Variants in EFL1 observed in about 807,000 individuals in gnomAD.
The protein encoded by EFL1 is elongation factor like GTPase 1.
Under a neutral mutation model 126.7 loss-of-function variants are expected in EFL1, and 76 were observed. The ratio of observed to expected loss-of-function variants is 0.60; its 90% CI spans 0.50 to 0.73. EFL1 has a LOEUF of 0.73. EFL1 is among the 30% of genes least tolerant of loss of function. The pLI, the probability that EFL1 is intolerant of heterozygous loss-of-function variation, is 0.00. For missense variants in EFL1, 1,128 were observed against 1,343.2 expected (o/e 0.84, Z 2.50); for synonymous variants, 410 against 448.4 (o/e 0.91, Z 1.08).
rs1297237242 is a variant in EFL1, at chr15:82,252,678, C to T, written c.244+13G>A. 5 of 1,608,102 alleles carry T rather than the reference C, an allele frequency of 3.1e-6. No homozygotes were observed. In the African/African-American group the frequency reaches 5.3e-5, roughly 17 times the overall value. On this transcript the variant is annotated intron_variant, in intron 4 of 19. Coordinates refer to ENST00000268206, the MANE Select transcript of EFL1 (RefSeq NM_024580.6). ...TGCAAAGCTGTGTTTCGTTAAAACA[C>T]AGACTGATTTACCTGTTGCATAATG... is the stretch of plus-strand genomic sequence containing the variant.
chr15:82,218,991 A>G (rs2074680351), intron 14 of EFL1, among the ~76,000 whole-genome samples: 1 of 152,172 alleles, frequency 6.6e-6, no homozygotes, highest in Non-Finnish European at 1.5e-5. Context: ...GTGCCAGCTG[A>G]CAATTTCCTA....
chr15:82,222,602 G>C (rs2074723334), intron 12 of EFL1, among the ~76,000 whole-genome samples: 1 of 152,150 alleles, frequency 6.6e-6, no homozygotes, highest in African/African-American at 2.4e-5. Context: ...CATCCATCCA[G>C]TTAACAACTA....
intron 18 of EFL1, among the ~76,000 whole-genome samples, chr15:82,141,749 T>C (rs1395883810): frequency 2.3e-5 from 3 of 129,502 alleles, no homozygotes; most frequent in Admixed American, 2.2e-4. Context: ...TACAAAACAA[T>C]AAAACAATAG....
chr15:82,212,532 T>C (rs1486042871), intron 15 of EFL1, among the ~76,000 whole-genome samples: 1 of 152,244 alleles, frequency 6.6e-6, no homozygotes, highest in Non-Finnish European at 1.5e-5. Flanking sequence ...AATTACTATA[T>C]GTTTCAATTC....
chr15:82,176,645 C>T (rs1192604193), intron 15 of EFL1, among the ~76,000 whole-genome samples: 1 of 152,110 alleles, frequency 6.6e-6, no homozygotes, highest in African/African-American at 2.4e-5. Context: ...ACAAAAATGA[C>T]TCGAATGAAA....
chr15:82,150,880 G>A (rs2073899059), intron 18 of EFL1, among the ~76,000 whole-genome samples: 1 of 152,184 alleles, frequency 6.6e-6, no homozygotes, highest in African/African-American at 2.4e-5. Flanking sequence ...CACAGGTTTG[G>A]ATGGTAACAC....
At chr15:82,164,985 C>T (rs899588586) in intron 15 of EFL1, among the ~76,000 whole-genome samples, 1 of 149,500 alleles carries the variant, frequency 6.7e-6, no homozygotes, top group African/African-American at 2.5e-5. Flanking sequence ...AATTAAGAAA[C>T]ACATACAAAG....
chr15:82,147,586 G>T (rs545998880), intron 18 of EFL1, among the ~76,000 whole-genome samples: 2 of 143,292 alleles, frequency 1.4e-5, no homozygotes, highest in Non-Finnish European at 3.0e-5. Flanking sequence ...AGGCTGCAGT[G>T]AGCTGAGATT....
intron 2 of EFL1, 111 bp from the exon 3 acceptor site, chr15:82,259,266 T>G: frequency 1.1e-6 from 1 of 910,976 alleles, no homozygotes; most frequent in Non-Finnish European, 1.8e-6. Context: ...AAAGATTTTC[T>G]ATTTACCTAT....
chr15:82,155,107 G>C (rs1595946829), intron 17 of EFL1, among the ~76,000 whole-genome samples: 1 of 152,092 alleles, frequency 6.6e-6, no homozygotes, highest in South Asian at 2.1e-4. Flanking sequence ...TGTTCACTGA[G>C]ATCATTCTAT....
chr15:82,199,591 A>G (rs1268038246), intron 15 of EFL1, among the ~76,000 whole-genome samples: 1 of 152,252 alleles, frequency 6.6e-6, no homozygotes, highest in Non-Finnish European at 1.5e-5. Context: ...AACCAGAACA[A>G]CATAATGCTG....
chr15:82,227,679 A>C, intron 10 of EFL1, 107 bp from the exon 11 acceptor site: 1 of 1,480,676 alleles, frequency 6.8e-7, no homozygotes, highest in Non-Finnish European at 9.2e-7. Flanking sequence ...GTCCATACAG[A>C]AAATGCCTGT....
At chr15:82,200,120 C>T (rs1844252214) in intron 15 of EFL1, among the ~76,000 whole-genome samples, 1 of 152,140 alleles carries the variant, frequency 6.6e-6, no homozygotes, top group African/African-American at 2.4e-5. Context: ...TGGCACAACA[C>T]CTATGCATCG....
chr15:82,262,498 C>A (rs1240308047), intron 1 of EFL1, 116 bp downstream of exon 1: 3 of 196,774 alleles, frequency 1.5e-5, no homozygotes, highest in Middle Eastern at 1.9e-3. Flanking sequence ...AAGCTCCCAG[C>A]CCGCGCTCGG....
chr15:82,155,532 T>C (rs767680733), intron 17 of EFL1, among the ~76,000 whole-genome samples: 2 of 152,104 alleles, frequency 1.3e-5, no homozygotes, highest in Non-Finnish European at 2.9e-5. Context: ...AAATAAACTG[T>C]TGCTATGCGT....
chr15:82,185,629 TACC>T (rs2074295956), intron 15 of EFL1, among the ~76,000 whole-genome samples: 1 of 151,970 alleles, frequency 6.6e-6, no homozygotes, highest in African/African-American at 2.4e-5. Flanking sequence ...AGAAAATGAA[TACC>T]ACAATTTAAA....
chr15:82,184,624 G>A (rs2074284809), intron 15 of EFL1, among the ~76,000 whole-genome samples: 1 of 152,142 alleles, frequency 6.6e-6, no homozygotes, highest in Admixed American at 6.5e-5. Flanking sequence ...GAGATGAAGA[G>A]CAAACTGCCC....
chr15:82,219,865 T>A, intron 13 of EFL1, 47 bp from the exon 14 acceptor site: 1 of 1,565,212 alleles, frequency 6.4e-7, no homozygotes. Context: ...CCCTCTTAAT[T>A]CAAGAACTGT....
chr15:82,222,668 A>C lies in EFL1; in HGVS notation c.1293-2439T>G, dbSNP rs542603840. ...ATGATGGTAGCGGGGAACAAAGCAG[A>C]TAGTAATCAGCAAGGATGTGTAAAA... On this transcript the variant is annotated intron_variant, in intron 12 of 19. Coordinates refer to ENST00000268206, the MANE Select transcript of EFL1 (RefSeq NM_024580.6). Among the ~76,000 whole-genome samples, 8 of 152,346 alleles carry C rather than the reference A, an allele frequency of 5.3e-5. No homozygotes were observed. The South Asian group carries it at 1.7e-3, about 32-fold the overall frequency.
Sources: allele counts gnomAD v4.1 joint callset (sites outside exome capture counted in the v4.1 genomes callset), GRCh38; gene constraint gnomAD v4.1.1; transcripts MANE v1.5; gene names NCBI Gene and HGNC (gene_info 2026-07-23, HGNC 2026-07-21).